The following FDFT1 variants were observed in gnomAD, a reference collection of about 807,000 sequenced individuals.
FDFT1 encodes the protein squalene synthase.
Under a neutral mutation model 46.8 loss-of-function variants are expected in FDFT1, and 68 were observed. The ratio of observed to expected loss-of-function variants is 1.45; its 90% confidence interval spans 1.19 to 1.78. The LOEUF is 1.78. FDFT1 is among the 40% of genes most tolerant of loss of function. The pLI, the probability that FDFT1 is intolerant of heterozygous loss-of-function variation, is 0.00. For missense variants in FDFT1, 928 were observed against 524.4 expected (o/e 1.77, Z -7.52); for synonymous variants, 351 against 185.1 (o/e 1.90, Z -7.28).
chr8:11,838,927 C>G lies in FDFT1; in HGVS notation c.*318C>G. 1 of 294,726 alleles carries G rather than the reference C, an allele frequency of 3.4e-6. No individual in the cohort carries two copies. The allele number at this position is 294,726 out of a possible 1,614,324, so 18.3% of individuals were successfully genotyped here. ...TCATGAGATCCTACTTAGTATGATC[C>G]TGGCTAGAATGATAATTAAAAGTAT... On this transcript the variant is annotated 3_prime_UTR_variant, in exon 8 of 8. Transcript: ENST00000220584.
chr8:11,809,668 A>G lies in FDFT1; in HGVS notation c.199A>G (p.Asn67Asp). ...VIQALDGEMR[N>D]AVCIFYLVLR... Reference sequence around the variant, plus strand: ...TTAATAGTTTTCCCTTTTTTACAGCAACGCAGTGTGCATATTTTATCTGGT... The same window carrying G: ...TTAATAGTTTTCCCTTTTTTACAGCGACGCAGTGTGCATATTTTATCTGGT... Residue 67 changes from asparagine (N) to aspartate (D), a missense_variant and splice_region_variant, in exon 3 of 8, where the codon AAC (asparagine) becomes GAC (aspartate). By Grantham distance (23) the Asn-to-Asp change is conservative (BLOSUM62 1). Coordinates refer to ENST00000220584, the MANE Select transcript of FDFT1 (RefSeq NM_004462.5). 6.2e-7 allele frequency: 1 copy of G among 1,604,664 alleles called. No homozygotes were observed. Among genetic ancestry groups the G allele is most frequent in the East Asian group, 2.2e-5 (1 of 44,798 alleles).
At chr8:11,815,714 G>A (rs546064441) in intron 3 of FDFT1, among the ~76,000 whole-genome samples, 1 of 152,072 alleles carries the variant, frequency 6.6e-6, no homozygotes, top group Non-Finnish European at 1.5e-5. Flanking sequence ...TTATTGATGG[G>A]GTTGTTGATT....
At chr8:11,823,113 C>A (rs987579827) in intron 4 of FDFT1, among the ~76,000 whole-genome samples, 6 of 152,074 alleles carry the variant, frequency 3.9e-5, no homozygotes, top group African/African-American at 1.4e-4. Flanking sequence ...GACACCATAC[C>A]AGGCTCATTT....
At chr8:11,803,460 G>T in intron 1 of FDFT1, 1 of 1,276,940 alleles carries the variant, frequency 7.8e-7, no homozygotes, top group Non-Finnish European at 1.0e-6. Context: ...GCCTATCTAC[G>T]CTTCCAAGTT....
intron 3 of FDFT1, among the ~76,000 whole-genome samples, chr8:11,813,231 C>A (rs1435275960): frequency 6.6e-6 from 1 of 152,188 alleles, no homozygotes; most frequent in Non-Finnish European, 1.5e-5. Context: ...GAGCACGTAT[C>A]TTTCTCACCT....
chr8:11,831,378 ATTTTT>A, intron 6 of FDFT1, 135 bp from the exon 7 acceptor site: 2 of 675,356 alleles, frequency 3.0e-6, no homozygotes, highest in Non-Finnish European at 5.0e-6. Context: ...CTTCGTGGGT[ATTTTT>A]TCTTGAGCGA....
chr8:11,799,145 C>A (rs1429743335), upstream of FDFT1, among the ~76,000 whole-genome samples: 1 of 152,232 alleles, frequency 6.6e-6, no homozygotes, highest in African/African-American at 2.4e-5. Context: ...ATTACAATTA[C>A]ACCCTATAGG....
intron 4 of FDFT1, 122 bp downstream of exon 4, chr8:11,822,000 C>G (rs1809320008): frequency 8.5e-7 from 1 of 1,169,882 alleles, no homozygotes; most frequent in Non-Finnish European, 1.2e-6. Flanking sequence ...TACAATTCAT[C>G]TGTTTAGGTT....
chr8:11,795,692 A>C (rs2686185), exon 1 of FDFT1: 1 of 152,092 alleles, frequency 6.6e-6, no homozygotes, highest in South Asian at 2.1e-4. Flanking sequence ...TAACACTCAC[A>C]GGGTAGGTTT....
intron 1 of FDFT1, among the ~76,000 whole-genome samples, chr8:11,807,560 C>T (rs906263725): frequency 5.4e-5 from 8 of 149,492 alleles, no homozygotes; most frequent in African/African-American, 1.9e-4. Context: ...CCGTATTTTC[C>T]ACTCCCTGTG....
At chr8:11,814,848 C>A (rs1463416314) in intron 3 of FDFT1, among the ~76,000 whole-genome samples, 1 of 151,786 alleles carries the variant, frequency 6.6e-6, no homozygotes, top group East Asian at 1.9e-4. Context: ...CTAAGCTCTT[C>A]AAGGGTCTGA....
In FDFT1 at chr8:11,809,680, A is replaced by G. The variant is rs1406622992; in HGVS notation, c.211A>G (p.Ile71Val). 5 of 1,612,352 alleles carry G rather than the reference A, an allele frequency of 3.1e-6. No individual in the cohort carries two copies. In the African/African-American group the frequency reaches 4.0e-5, roughly 13 times the overall value. ...LDGEMRNAVC[I>V]FYLVLRALDT... ...CCTTTTTTACAGCAACGCAGTGTGC[A>G]TATTTTATCTGGTTCTCCGAGCTCT... is the stretch of plus-strand genomic sequence containing the variant. Residue 71 changes from isoleucine to valine, a missense_variant, in exon 3 of 8, where the codon ATA becomes GTA. Ile to Val is a conservative substitution (Grantham distance 29, BLOSUM62 3). Coordinates refer to ENST00000220584, the MANE Select transcript of FDFT1 (RefSeq NM_004462.5).
At chr8:11,819,275 T>G (rs1234278433) in intron 3 of FDFT1, among the ~76,000 whole-genome samples, 1 of 152,238 alleles carries the variant, frequency 6.6e-6, no homozygotes, top group African/African-American at 2.4e-5. Flanking sequence ...CTGGCAGCCC[T>G]TAACATTTTT....
At position 11,809,741 on chromosome 8, in the gene FDFT1, A is replaced by G. The variant is rs1161590054; in HGVS notation, c.272A>G (p.Glu91Gly). Residue 91 changes from glutamate (E) to glycine (G), a missense_variant, in exon 3 of 8, where the codon GAA (glutamate) becomes GGA (glycine). Glu to Gly is a moderately conservative substitution (Grantham distance 98). Coordinates refer to ENST00000220584, the MANE Select transcript of FDFT1 (RefSeq NM_004462.5). ...TLEDDMTISVEKKVPLLHNFH... is the reference protein window; with the variant it reads ...TLEDDMTISVGKKVPLLHNFH... Reference sequence around the variant, plus strand: ...GAAGATGACATGACCATCAGTGTGGAAAAGAAGGTCCCGCTGTTACACAAC... The same window carrying G: ...GAAGATGACATGACCATCAGTGTGGGAAAGAAGGTCCCGCTGTTACACAAC... The G allele has an allele frequency of 6.2e-7, 1 of 1,614,116 alleles. No individual in the cohort carries two copies.
chr8:11,809,308 A>G (rs182758871), intron 2 of FDFT1: 489 of 1,094,510 alleles, frequency 4.5e-4, no homozygotes, highest in Non-Finnish European at 5.2e-4. Context: ...GATCGTATTT[A>G]TACTGAGAAG....
rs936821577 is a variant in FDFT1, at chr8:11,796,421, C to A, written c.-94+410C>A. 2.6e-5 allele frequency among the ~76,000 whole-genome samples: 4 copies of A among 152,258 alleles called. No individual in the cohort carries two copies. The South Asian group carries it at 8.3e-4, about 32-fold the overall frequency. On this transcript the variant is annotated intron_variant, in intron 1 of 7. Coordinates refer to the FDFT1 transcript ENST00000538689. ...TACAGAAAGTTCAGGTTGGGAGGAA[C>A]CACTGAACATGGTAGAAGTACTGAG...
chr8:11,821,397 C>T (rs1010192408), intron 3 of FDFT1, among the ~76,000 whole-genome samples: 1 of 152,182 alleles, frequency 6.6e-6, no homozygotes, highest in African/African-American at 2.4e-5. Context: ...TTGAGACCAG[C>T]TTGGCCAACA....
chr8:11,802,772 G>A lies in FDFT1; in HGVS notation c.-61G>A. 7.3e-7 allele frequency: 1 copy of A among 1,371,518 alleles called. No homozygotes were observed. Among genetic ancestry groups the A allele is most frequent in the Non-Finnish European group, 1.0e-6 (1 of 978,026 alleles). 85.0% of individuals were successfully genotyped at this position (1,371,518 alleles called of 1,614,324 possible). Reference sequence around the variant, plus strand: ...CCTACTCCACAGGTCCAGCCGGCCGGTGAGCGCCTGGGGACCGCAGAGGTG... The same window carrying A: ...CCTACTCCACAGGTCCAGCCGGCCGATGAGCGCCTGGGGACCGCAGAGGTG... On this transcript the variant is annotated 5_prime_UTR_variant, in exon 1 of 8. It adds an upstream start codon to the 5' untranslated region. Transcript: ENST00000220584.
chr8:11,826,280 C>G (rs912170889), intron 5 of FDFT1, 65 bp downstream of exon 5: 2 of 1,294,166 alleles, frequency 1.5e-6, no homozygotes, highest in African/African-American at 1.5e-5. Context: ...TCCTTTAACT[C>G]TTGTGGTTGC....
Sources: allele counts gnomAD v4.1 joint callset (sites outside exome capture counted in the v4.1 genomes callset), GRCh38; gene constraint gnomAD v4.1.1; transcripts MANE v1.5; gene names NCBI Gene and HGNC (gene_info 2026-07-23, HGNC 2026-07-21).